The following SLC35F4 variants were observed in gnomAD, a reference collection of about 807,000 sequenced individuals.
The protein encoded by SLC35F4 is solute carrier family 35 member F4, also known as chromosome 14 open reading frame 36.
Under a neutral mutation model 44.2 loss-of-function variants are expected in SLC35F4, and 24 were observed. The ratio of observed to expected loss-of-function variants is 0.54; its 90% CI spans 0.39 to 0.76. The LOEUF is 0.76. SLC35F4 is among the 30% of genes least tolerant of loss of function. The pLI is 0.00. For missense variants in SLC35F4, 562 were observed against 586.1 expected (o/e 0.96, Z 0.42); for synonymous variants, 238 against 223.6 (o/e 1.06, Z -0.57).
downstream of SLC35F4, among the ~76,000 whole-genome samples, chr14:57,976,312 T>C (rs183275050): frequency 2.9e-4 from 44 of 152,298 alleles, 1 homozygote; most frequent in African/African-American, 8.9e-4. Flanking sequence ...CTTGGAAGGA[T>C]TGGGGGCAGG....
At chr14:57,960,696 G>C (rs1205654238) in intron 1 of SLC35F4, among the ~76,000 whole-genome samples, 3 of 152,148 alleles carry the variant, frequency 2.0e-5, no homozygotes, top group East Asian at 1.9e-4. Context: ...GTAACTAAGA[G>C]ATTTATTCTC....
intron 1 of SLC35F4, among the ~76,000 whole-genome samples, chr14:57,920,267 A>C (rs811732): frequency 0.24 from 36,531 of 152,056 alleles, 4,480 homozygotes; most frequent in East Asian, 0.27. Flanking sequence ...GATATGAAAC[A>C]TTAATAAGAA....
At chr14:57,623,810 G>A (rs1370101010) in intron 1 of SLC35F4, among the ~76,000 whole-genome samples, 2 of 152,172 alleles carry the variant, frequency 1.3e-5, no homozygotes, top group African/African-American at 2.4e-5. Flanking sequence ...TGTGTGTAGT[G>A]GGAAATTTAT....
chr14:57,747,031 TGAG>T lies in SLC35F4; in HGVS notation c.103+118689_103+118691del, dbSNP rs2076773153. Among the ~76,000 whole-genome samples, 3 of 152,294 alleles carry T rather than the reference TGAG, an allele frequency of 2.0e-5. No individual in the cohort carries two copies. The South Asian group carries it at 6.2e-4, about 32-fold the overall frequency. The stretch of plus-strand genomic sequence containing the variant: ...GATAGTTCACTTTTTCTACATGAAC[TGAG>T]ATTTTTAAAAATATACAGTATCCAT... On this transcript the variant is annotated intron_variant, in intron 1 of 7. Transcript: ENST00000556826.
At chr14:57,763,454 G>C (rs1441463576) in intron 1 of SLC35F4, among the ~76,000 whole-genome samples, 1 of 152,120 alleles carries the variant, frequency 6.6e-6, no homozygotes, top group Non-Finnish European at 1.5e-5. Flanking sequence ...GCAAACTCCA[G>C]AGTCAGAATA....
chr14:57,641,078 T>C lies in SLC35F4; in HGVS notation c.104-46954A>G, dbSNP rs575574648. On this transcript the variant is annotated intron_variant, in intron 1 of 7. Coordinates refer to ENST00000556826, the MANE Select transcript of SLC35F4 (RefSeq NM_001306087.2). ...GAAAGTGAAAATCAATACAATGTTA[T>C]AAAGAAACAGTTGTTCTATAGACAA... Among the ~76,000 whole-genome samples, 4 of 152,010 alleles carry C rather than the reference T, an allele frequency of 2.6e-5. No homozygotes were observed. The South Asian group carries it at 8.3e-4, about 32-fold the overall frequency.
At chr14:57,884,842 T>C (rs1255623463) in intron 1 of SLC35F4, among the ~76,000 whole-genome samples, 1 of 152,118 alleles carries the variant, frequency 6.6e-6, no homozygotes, top group Non-Finnish European at 1.5e-5. Flanking sequence ...ATGGAAATAA[T>C]TATGAAATGA....
chr14:57,650,329 A>G (rs1478637496), intron 1 of SLC35F4, among the ~76,000 whole-genome samples: 1 of 152,086 alleles, frequency 6.6e-6, no homozygotes, highest in Non-Finnish European at 1.5e-5. Flanking sequence ...AAACTTAAAA[A>G]TGTTTCAAGC....
intron 1 of SLC35F4, among the ~76,000 whole-genome samples, chr14:57,622,649 T>C (rs901509533): frequency 7.2e-5 from 11 of 151,794 alleles, no homozygotes; most frequent in Non-Finnish European, 1.3e-4. Context: ...AAGGGGAACA[T>C]CACACTCTGG....
intron 6 of SLC35F4, 29 bp from the exon 7 acceptor site, chr14:57,566,593 G>T (rs971633026): frequency 1.3e-6 from 2 of 1,561,120 alleles, no homozygotes; most frequent in Non-Finnish European, 1.7e-6. Flanking sequence ...AATGCAAGAT[G>T]AAAGAGAAAT....
chr14:57,854,278 A>G (rs1886867479), intron 1 of SLC35F4, among the ~76,000 whole-genome samples: 3 of 152,184 alleles, frequency 2.0e-5, no homozygotes, highest in African/African-American at 2.4e-5. Flanking sequence ...CTTCTTCTTT[A>G]TATTTCTCTG....
chr14:57,828,477 T>A (rs1884022363), intron 1 of SLC35F4, among the ~76,000 whole-genome samples: 1 of 152,200 alleles, frequency 6.6e-6, no homozygotes, highest in South Asian at 2.1e-4. Context: ...AATTTAAAAA[T>A]TCAGGCAATG....
chr14:57,855,136 C>G (rs1222467995), intron 1 of SLC35F4, among the ~76,000 whole-genome samples: 1 of 152,132 alleles, frequency 6.6e-6, no homozygotes, highest in African/African-American at 2.4e-5. Context: ...TAAACATTAT[C>G]TTACATAATC....
intron 1 of SLC35F4, among the ~76,000 whole-genome samples, chr14:57,692,796 G>T (rs1242582766): frequency 1.3e-5 from 2 of 151,432 alleles, no homozygotes. Flanking sequence ...AATCCACAAG[G>T]CTAAGTAACA....
chr14:57,606,906 G>A (rs1428742791), intron 1 of SLC35F4, among the ~76,000 whole-genome samples: 1 of 152,202 alleles, frequency 6.6e-6, no homozygotes, highest in African/African-American at 2.4e-5. Context: ...ATTCTGTGAT[G>A]ACTAATTAAT....
At chr14:57,725,414 C>A (rs1167267878) in intron 1 of SLC35F4, among the ~76,000 whole-genome samples, 1 of 152,186 alleles carries the variant, frequency 6.6e-6, no homozygotes, top group Non-Finnish European at 1.5e-5. Context: ...CATCTTCCAA[C>A]ATGGAAAGGG....
At chr14:57,895,134 G>T (rs1431195371) in intron 1 of SLC35F4, among the ~76,000 whole-genome samples, 1 of 151,998 alleles carries the variant, frequency 6.6e-6, no homozygotes, top group East Asian at 1.9e-4. Flanking sequence ...GCCTTGGTGG[G>T]GCTAACAGCA....
chr14:57,694,575 T>C (rs78039852), intron 1 of SLC35F4, among the ~76,000 whole-genome samples: 131 of 152,310 alleles, frequency 8.6e-4, no homozygotes, highest in African/African-American at 2.8e-3. Context: ...CTATTTGAAC[T>C]AATGTTGAGA....
intron 1 of SLC35F4, among the ~76,000 whole-genome samples, chr14:57,935,259 A>G (rs1442025294): frequency 2.0e-5 from 3 of 152,222 alleles, no homozygotes; most frequent in African/African-American, 7.2e-5. Flanking sequence ...TCCCAAGTCT[A>G]TAGATTTCAA....
Sources: allele counts gnomAD v4.1 joint callset (sites outside exome capture counted in the v4.1 genomes callset), GRCh38; gene constraint gnomAD v4.1.1; transcripts MANE v1.5; gene names NCBI Gene and HGNC (gene_info 2026-07-23, HGNC 2026-07-21).